PIWIL3: variants seen among roughly 807,000 people sequenced by gnomAD.
PIWIL3 encodes piwi-like protein 3.
Under a neutral mutation model 109.7 loss-of-function variants are expected in PIWIL3, and 101 were observed. The ratio of observed to expected loss-of-function variants is 0.92; its 90% CI spans 0.78 to 1.09. The LOEUF (loss-of-function observed/expected upper bound fraction) is 1.09. Among genes scored for constraint, PIWIL3 ranks in the 50% least tolerant of loss-of-function variants. PIWIL3 has a pLI of 0.00. For synonymous variants in PIWIL3, 373 were observed against 376.4 expected, an observed-to-expected ratio of 0.99 and a Z score of 0.10; for missense variants, 1,031 against 1,072.6, an observed-to-expected ratio of 0.96 and a Z score of 0.54.
rs538813258 is a variant in PIWIL3, at chr22:24,773,312, C to T, written c.-23+1010G>A. Among the ~76,000 whole-genome samples, 13 of 152,336 alleles carry T rather than the reference C, an allele frequency of 8.5e-5. No homozygotes were observed. The South Asian group carries it at 2.1e-3, about 24-fold the overall frequency. On this transcript the variant is annotated intron_variant, in intron 1 of 20. Coordinates refer to ENST00000616349, the MANE Select transcript of PIWIL3 (RefSeq NM_001255975.1). ...CCTTCCTGCATGCCCTGCACAGGAA[C>T]CCTCTTCCCTTCTCCTTTTGCCAAA... is the stretch of plus-strand genomic sequence containing the variant.
chr22:24,760,976 C>A (rs1925403325), intron 2 of PIWIL3, among the ~76,000 whole-genome samples: 1 of 151,422 alleles, frequency 6.6e-6, no homozygotes, highest in Admixed American at 6.6e-5. Context: ...GAAAACAATC[C>A]CGTGGTTGTT....
At chr22:24,765,216 C>T (rs916841585) in intron 1 of PIWIL3, among the ~76,000 whole-genome samples, 3 of 152,024 alleles carry the variant, frequency 2.0e-5, no homozygotes, top group Non-Finnish European at 4.4e-5. Flanking sequence ...ATGAAAAGTC[C>T]GATTATATTG....
At chr22:24,723,038 TAAGGTA>T in intron 19 of PIWIL3, 86 bp downstream of exon 19, 3 of 1,398,504 alleles carry the variant, frequency 2.1e-6, no homozygotes, top group Non-Finnish European at 2.9e-6. Context: ...AGCAGTGCTT[TAAGGTA>T]AAGTTATTGG....
intron 12 of PIWIL3, among the ~76,000 whole-genome samples, chr22:24,738,326 T>C (rs1157107042): frequency 6.6e-6 from 1 of 152,184 alleles, no homozygotes; most frequent in East Asian, 1.9e-4. Context: ...TGGGGGAACT[T>C]ACTGCCCCTG....
At chr22:24,774,280 A>G (rs1415092495) in intron 1 of PIWIL3, 42 bp downstream of exon 1, 1 of 151,628 alleles carries the variant, frequency 6.6e-6, no homozygotes, top group African/African-American at 2.4e-5. Context: ...CCTTATGCAC[A>G]TTTATTTACC....
chr22:24,739,981 GTGGAGCTTGCA>G (rs1923891389), intron 12 of PIWIL3, among the ~76,000 whole-genome samples: 1 of 147,922 alleles, frequency 6.8e-6, no homozygotes. Flanking sequence ...AACCCGGTAG[GTGGAGCTTGCA>G]CTGAGCCAAG....
intron 12 of PIWIL3, among the ~76,000 whole-genome samples, chr22:24,739,233 T>C (rs74510932): frequency 0.038 from 5,685 of 151,534 alleles, 182 homozygotes; most frequent in South Asian, 0.12. Context: ...AAAGGGAAAA[T>C]CAAAGAGTTA....
At chr22:24,740,051 CAA>C (rs1198660648) in intron 12 of PIWIL3, among the ~76,000 whole-genome samples, 23 of 67,612 alleles carry the variant, frequency 3.4e-4, no homozygotes, top group African/African-American at 7.0e-4. Context: ...GACTCGGTCT[CAA>C]AAAAAAAAAA....
chr22:24,757,695 CACACAT>C (rs1283746417), intron 4 of PIWIL3, among the ~76,000 whole-genome samples: 1 of 61,228 alleles, frequency 1.6e-5, no homozygotes, highest in Non-Finnish European at 3.6e-5. Context: ...CACACACACA[CACACAT>C]TCGGGCATGG....
intron 19 of PIWIL3, among the ~76,000 whole-genome samples, chr22:24,720,523 G>A (rs1272265087): frequency 8.6e-5 from 13 of 151,886 alleles, no homozygotes; most frequent in South Asian, 4.2e-4. Context: ...TGCCTGCCTC[G>A]GCCTCCCAAA....
intron 12 of PIWIL3, among the ~76,000 whole-genome samples, chr22:24,744,701 T>A (rs1170014778): frequency 6.6e-6 from 1 of 152,204 alleles, no homozygotes; most frequent in Admixed American, 6.5e-5. Context: ...ATATGACAAT[T>A]GTAAATATAT....
chr22:24,719,887 A>T lies in PIWIL3; in HGVS notation c.2366T>A (p.Phe789Tyr). ...VELTRNEWYD[F>Y]FIVSQSVQDG... ...TTGCACAGACTGACTCACAATAAAA[A>T]AGTCATACCTGGAAATATAGGACAT... Residue 789 changes from phenylalanine to tyrosine, a missense_variant, in exon 20 of 21, where the codon TTT becomes TAT. Physicochemically the swap from Phe to Tyr is conservative, Grantham distance 22. Transcript: ENST00000616349. 1.2e-6 allele frequency: 2 copies of T among 1,609,764 alleles called. No homozygotes were observed. Among genetic ancestry groups the T allele is most frequent in the Non-Finnish European group, 1.7e-6 (2 of 1,176,952 alleles).
intron 14 of PIWIL3, among the ~76,000 whole-genome samples, chr22:24,733,385 C>A (rs937174338): frequency 6.6e-6 from 1 of 151,836 alleles, no homozygotes; most frequent in African/African-American, 2.4e-5. Context: ...AGAACAGACT[C>A]CTAGAAAAAT....
At chr22:24,732,416 TAAG>T (rs1187224072) in intron 14 of PIWIL3, among the ~76,000 whole-genome samples, 1 of 152,208 alleles carries the variant, frequency 6.6e-6, no homozygotes, top group African/African-American at 2.4e-5. Flanking sequence ...GGCGATACCT[TAAG>T]AAATTGTTCC....
chr22:24,749,783 G>A lies in PIWIL3; in HGVS notation c.1126C>T (p.Leu376Phe), dbSNP rs772200821. 4 of 1,613,978 alleles carry A rather than the reference G, an allele frequency of 2.5e-6. No individual in the cohort carries two copies. In the Admixed American group the frequency reaches 5.0e-5, roughly 20 times the overall value. The change falls in exon 10 of 21, where the codon CTT becomes TTT. Residue 376 changes from leucine (L) to phenylalanine (F), a missense_variant. Transcript: ENST00000616349. ...TTCCATCTGCCCTGGCTGACCAAAA[G>A]TGGCTGTTTCTTCACTGTGACAATT... ...KEIVTVKKQP[L>F]LVSQGRWKKG...
chr22:24,744,206 A>AAAAAAAAG (rs1243624300), intron 12 of PIWIL3, among the ~76,000 whole-genome samples: 1 of 148,234 alleles, frequency 6.7e-6, no homozygotes, highest in African/African-American at 2.5e-5. Context: ...AAAAAAAAAA[A>AAAAAAAAG]ACAATGATCT....
At chr22:24,731,732 A>T (rs919331594) in intron 14 of PIWIL3, among the ~76,000 whole-genome samples, 70 of 152,266 alleles carry the variant, frequency 4.6e-4, no homozygotes, top group African/African-American at 1.6e-3. Context: ...TAGAAGGTAT[A>T]TAAGCTCTGA....
chr22:24,720,631 A>T (rs1922622447), intron 19 of PIWIL3, among the ~76,000 whole-genome samples: 1 of 152,082 alleles, frequency 6.6e-6, no homozygotes. Context: ...TATTGAATTT[A>T]TTTTTATGTG....
chr22:24,762,462 G>A lies in PIWIL3; in HGVS notation c.38C>T (p.Ala13Val), dbSNP rs1010307910. Reference sequence around the variant, plus strand: ...TTGTTGGTAGCTCTCCCTGCGGCGGGCTCTGCCTCGGGCGCGAGTCCTTGC... The same window carrying A: ...TTGTTGGTAGCTCTCCCTGCGGCGGACTCTGCCTCGGGCGCGAGTCCTTGC... ...GRARTRARGRARRRESYQQEA... is the reference protein window; with the variant it reads ...GRARTRARGRVRRRESYQQEA... The change falls in exon 2 of 21, where the codon GCC (alanine) becomes GTC (valine). Residue 13 changes from alanine to valine, a missense_variant. Transcript: ENST00000616349. 1.9e-6 allele frequency: 3 copies of A among 1,613,754 alleles called. No homozygotes were observed. Among genetic ancestry groups the A allele is most frequent in the African/African-American group, 1.3e-5 (1 of 74,934 alleles).
Sources: allele counts gnomAD v4.1 joint callset (sites outside exome capture counted in the v4.1 genomes callset), GRCh38; gene constraint gnomAD v4.1.1; transcripts MANE v1.5; gene names NCBI Gene and HGNC (gene_info 2026-07-23, HGNC 2026-07-21).